SEC23A: variants seen among roughly 807,000 people sequenced by gnomAD.
SEC23A encodes the protein SEC23 homolog A, COPII component.
SEC23A carries 56 observed loss-of-function variants against 103.7 expected under a neutral mutation model. The ratio of observed to expected loss-of-function variants is 0.54; its 90% CI spans 0.44 to 0.67. The LOEUF is 0.67. Ranked by LOEUF, SEC23A falls within the 30% of genes least tolerant of loss-of-function variation. The pLI, the probability that SEC23A is intolerant of heterozygous loss-of-function variation, is 0.00. For missense variants in SEC23A, 784 were observed against 936.4 expected, an observed-to-expected ratio of 0.84 and a Z score of 2.12; for synonymous variants, 281 against 293.0, an observed-to-expected ratio of 0.96 and a Z score of 0.42.
In SEC23A at chr14:39,059,278, TAAAAAAA is replaced by T. The variant is rs750853379; in HGVS notation, c.1505+2480_1505+2486del. ...GGCCCCTAAAGTCATAGTCCTAGTTTAAAAAAAAAAAAAAAAAAAAAAAAAAAAAAAA... is the reference window on the plus strand; with the variant it reads ...GGCCCCTAAAGTCATAGTCCTAGTTTAAAAAAAAAAAAAAAAAAAAAAAAA... On this transcript the variant is annotated intron_variant, in intron 13 of 19. Coordinates refer to ENST00000307712, the MANE Select transcript of SEC23A (RefSeq NM_006364.4). Among the ~76,000 whole-genome samples the T allele has an allele frequency of 1.6e-3, 112 of 71,830 alleles. 1 individual carries two copies. The South Asian group carries it at 0.037, about 24-fold the overall frequency. 47.1% of individuals were successfully genotyped at this position (71,830 alleles called of 152,430 possible). A position where few individuals can be genotyped will look rare whatever the true frequency, so the allele number is the denominator to read the frequency against.
At chr14:39,098,706 G>A (rs1434971398) in intron 1 of SEC23A, among the ~76,000 whole-genome samples, 1 of 151,524 alleles carries the variant, frequency 6.6e-6, no homozygotes, top group Non-Finnish European at 1.5e-5. Context: ...CCCGGGAGGT[G>A]GAGGTTGCAG....
intron 9 of SEC23A, among the ~76,000 whole-genome samples, chr14:39,068,478 G>GT (rs1347859044): frequency 6.6e-6 from 1 of 152,096 alleles, no homozygotes. Flanking sequence ...AACAACAAAA[G>GT]TTTTTTTCCT....
intron 7 of SEC23A, 77 bp downstream of exon 7, chr14:39,085,685 T>TACACACACACACACACACACACACAC (rs202142857): frequency 1.1e-6 from 1 of 931,704 alleles, no homozygotes; most frequent in Non-Finnish European, 1.5e-6. Context: ...CTTATAATTA[T>TACACACACACACACACACACACACAC]ATATACACAC....
At chr14:39,057,920 C>T (rs890822607) in intron 13 of SEC23A, among the ~76,000 whole-genome samples, 6 of 152,150 alleles carry the variant, frequency 3.9e-5, no homozygotes, top group Non-Finnish European at 8.8e-5. Context: ...ATTAAAATTA[C>T]TTTGTATTCT....
chr14:39,092,522 T>G lies in SEC23A; in HGVS notation c.366+19A>C. 1 of 1,444,066 alleles carries G rather than the reference T, an allele frequency of 6.9e-7. No homozygotes were observed. Among genetic ancestry groups the G allele is most frequent in the Non-Finnish European group, 9.7e-7 (1 of 1,034,002 alleles). The allele number at this position is 1,444,066 out of a possible 1,614,324, so 89.5% of individuals were successfully genotyped here. A position where few individuals can be genotyped will look rare whatever the true frequency, so the allele number is the denominator to read the frequency against. On this transcript the variant is annotated intron_variant, in intron 4 of 19. Coordinates refer to ENST00000307712, the MANE Select transcript of SEC23A (RefSeq NM_006364.4). ...ATAAATTTTAAAACTTTCTTAAATA[T>G]TTGTTCTTAGGTTCTTACCAGAACT...
intron 17 of SEC23A, 91 bp from the exon 18 acceptor site, chr14:39,040,978 T>A: frequency 6.9e-7 from 1 of 1,441,370 alleles, no homozygotes; most frequent in Non-Finnish European, 9.2e-7. Context: ...CTTTAGAAAC[T>A]AAAAAAATTA....
chr14:39,087,145 C>G, intron 5 of SEC23A, 137 bp from the exon 6 acceptor site: 1 of 664,498 alleles, frequency 1.5e-6, no homozygotes, highest in Non-Finnish European at 2.7e-6. Flanking sequence ...CCTCAGAAAA[C>G]AAAGAATCCA....
intron 14 of SEC23A, among the ~76,000 whole-genome samples, chr14:39,050,794 A>C (rs1649064640): frequency 7.1e-6 from 1 of 141,636 alleles, no homozygotes. Flanking sequence ...CCATCTCAAA[A>C]GAAGGAAAGA....
chr14:39,047,457 T>G (rs1473182550), intron 15 of SEC23A: 1 of 1,243,794 alleles, frequency 8.0e-7, no homozygotes, highest in Non-Finnish European at 1.0e-6. Context: ...ATGGAGTTTC[T>G]GGGTTATAGA....
rs1451334027 is a variant in SEC23A, at chr14:39,094,451, T to A, written c.222-1207A>T. Among the ~76,000 whole-genome samples the A allele has an allele frequency of 1.3e-4, 12 of 89,398 alleles. 1 individual carries two copies. Among genetic ancestry groups the A allele is most frequent in the African/African-American group, 5.6e-4 (10 of 17,972 alleles). The allele number at this position is 89,398 out of a possible 152,430, so 58.6% of individuals were successfully genotyped here. ...ATATATATATATATATATTTTTTTTTTTTTTTTTTCCCCTCCTGTAGAAAT... is the reference window on the plus strand; with the variant it reads ...ATATATATATATATATATTTTTTTTATTTTTTTTTCCCCTCCTGTAGAAAT... On this transcript the variant is annotated intron_variant, in intron 2 of 19. Coordinates refer to ENST00000307712, the MANE Select transcript of SEC23A (RefSeq NM_006364.4).
chr14:39,082,097 C>A (rs1168820825), intron 7 of SEC23A, among the ~76,000 whole-genome samples: 5 of 152,022 alleles, frequency 3.3e-5, no homozygotes. Flanking sequence ...AATAAGGACC[C>A]AGAAGCAGCT....
intron 7 of SEC23A, among the ~76,000 whole-genome samples, chr14:39,080,948 A>C: frequency 6.6e-6 from 1 of 152,222 alleles, no homozygotes; most frequent in Non-Finnish European, 1.5e-5. Context: ...GGCTGGTATC[A>C]GCCTTCTCAA....
intron 17 of SEC23A, 103 bp from the exon 18 acceptor site, chr14:39,040,990 A>G: frequency 7.3e-7 from 1 of 1,366,860 alleles, no homozygotes; most frequent in Non-Finnish European, 9.8e-7. Context: ...AAAAAATTAT[A>G]GACCATTATT....
intron 2 of SEC23A, among the ~76,000 whole-genome samples, chr14:39,094,423 TATATATATATATATATATA>T (rs1566515075): frequency 7.8e-5 from 5 of 64,130 alleles, no homozygotes; most frequent in East Asian, 8.8e-4. Flanking sequence ...TATATATATA[TATATATATATATATATATA>T]TTTTTTTTTT....
chr14:39,042,320 G>A (rs758122346), intron 17 of SEC23A, among the ~76,000 whole-genome samples: 6 of 152,162 alleles, frequency 3.9e-5, no homozygotes, highest in Non-Finnish European at 8.8e-5. Flanking sequence ...AAAATCTTCT[G>A]CTCTCTGTAA....
intron 1 of SEC23A, among the ~76,000 whole-genome samples, chr14:39,098,237 C>T (rs1001760646): frequency 2.6e-5 from 4 of 151,836 alleles, no homozygotes; most frequent in Non-Finnish European, 5.9e-5. Flanking sequence ...CAAACTCCAC[C>T]GTAACATAGG....
chr14:39,061,761 T>C lies in SEC23A; in HGVS notation c.1505+4A>G, dbSNP rs766738566. 2 of 1,596,736 alleles carry C rather than the reference T, an allele frequency of 1.3e-6. No homozygotes were observed. Among genetic ancestry groups the C allele is most frequent in the Admixed American group, 1.7e-5 (1 of 60,004 alleles). The stretch of plus-strand genomic sequence containing the variant: ...AAATCAAATCTCTAACAAATACAAC[T>C]TACTTCCTAGCAATGGTGGTCACTC... On this transcript the variant is annotated splice_donor_region_variant and intron_variant, in intron 13 of 19. Transcript: ENST00000307712.
chr14:39,042,707 CCATA>C (rs1421518345), intron 17 of SEC23A, 75 bp downstream of exon 17: 19 of 837,274 alleles, frequency 2.3e-5, no homozygotes, highest in Non-Finnish European at 3.9e-5. Flanking sequence ...GAAACACTAG[CCATA>C]CAATTAGAAG....
At position 39,064,959 on chromosome 14, in the gene SEC23A, C is replaced by A. The variant is rs1397356809; in HGVS notation, c.1262G>T (p.Gly421Val). 1 of 1,613,248 alleles carries A rather than the reference C, an allele frequency of 6.2e-7. No homozygotes were observed. The highest frequency in any genetic ancestry group is 1.1e-5 in the South Asian group (1 of 91,062). ...SREIKISGAI[G>V]PCVSLNSKGP... ...TTTAGAATTGAGTGACACACAGGGT[C>A]CAATAGCTCCTGAAATCTTTATTTC... is the stretch of plus-strand genomic sequence containing the variant. Residue 421 changes from glycine to valine, a missense_variant, in exon 11 of 20, where the codon GGA (glycine) becomes GTA (valine). Coordinates refer to ENST00000307712, the MANE Select transcript of SEC23A (RefSeq NM_006364.4).
Sources: gnomAD v4.1 joint callset for allele counts (sites outside exome capture counted in the v4.1 genomes callset) on GRCh38, gnomAD v4.1.1 for gene constraint, MANE v1.5 for transcripts, NCBI Gene and HGNC (gene_info 2026-07-23, HGNC 2026-07-21) for gene names.